ANXA11: variants seen among roughly 807,000 people sequenced by gnomAD.
ANXA11 encodes the protein annexin A11, also known as 56 kDa autoantigen.
Under a neutral mutation model 64.7 loss-of-function variants are expected in ANXA11, and 57 were observed. The observed-to-expected ratio is 0.88, with a 90% confidence interval of 0.71 to 1.10. The LOEUF is 1.10. Among genes scored for constraint, ANXA11 ranks in the 50% least tolerant of loss-of-function variants. The pLI is 0.00. For synonymous variants in ANXA11, 260 were observed against 265.2 expected (o/e 0.98, Z 0.19); for missense variants, 675 against 670.7 (o/e 1.01, Z -0.07).
intron 7 of ANXA11, 153 bp from the exon 8 acceptor site, chr10:80,166,350 C>T (rs1488350562): frequency 1.7e-6 from 1 of 584,506 alleles, no homozygotes; most frequent in Non-Finnish European, 3.0e-6. Context: ...TGCTCTCAGC[C>T]CTGCCCCAAA....
intron 1 of ANXA11, among the ~76,000 whole-genome samples, chr10:80,190,312 G>A (rs1846717084): frequency 6.6e-6 from 1 of 152,192 alleles, no homozygotes; most frequent in Non-Finnish European, 1.5e-5. Flanking sequence ...ATGGTTTTAA[G>A]CCACAAGTTT....
chr10:80,162,772 G>A (rs1436069575), intron 11 of ANXA11, among the ~76,000 whole-genome samples: 2 of 152,176 alleles, frequency 1.3e-5, no homozygotes, highest in Non-Finnish European at 2.9e-5. Flanking sequence ...GAGAGGTATG[G>A]CCAACTCCAC....
intron 7 of ANXA11, 33 bp from the exon 8 acceptor site, chr10:80,166,230 A>G: frequency 1.5e-6 from 2 of 1,306,368 alleles, no homozygotes; most frequent in South Asian, 2.5e-5. Flanking sequence ...AACCAACAAA[A>G]AAAAAAACAA....
intron 1 of ANXA11, among the ~76,000 whole-genome samples, chr10:80,176,499 G>C (rs1365402430): frequency 1.3e-5 from 2 of 152,206 alleles, no homozygotes; most frequent in African/African-American, 4.8e-5. Flanking sequence ...AGAAAATGAG[G>C]CTTCCGGTTT....
Position 80,157,970 on chromosome 10 carries a change from C to T in ANXA11, c.1332G>A (p.Met444Ile). Residue 444 changes from methionine to isoleucine, a missense_variant, in exon 14 of 16, where the codon ATG (methionine) becomes ATA (isoleucine). Physicochemically the swap from Met to Ile is conservative, Grantham distance 10 (BLOSUM62 1). Coordinates refer to ENST00000422982, the MANE Select transcript of ANXA11 (RefSeq NM_145868.2). ...AFFAERLNKA[M>I]RGAGTKDRTL... Reference sequence around the variant, plus strand: ...CCTGCACATGGAAGTTACATACCCTCATGGCCTTGTTGAGCCTCTCCGCAA... The same window carrying T: ...CCTGCACATGGAAGTTACATACCCTTATGGCCTTGTTGAGCCTCTCCGCAA... 1.2e-6 allele frequency: 2 copies of T among 1,614,078 alleles called. No individual in the cohort carries two copies. Among genetic ancestry groups the T allele is most frequent in the Non-Finnish European group, 1.7e-6 (2 of 1,179,920 alleles).
chr10:80,186,878 A>G (rs1846561343), intron 1 of ANXA11, among the ~76,000 whole-genome samples: 1 of 152,232 alleles, frequency 6.6e-6, no homozygotes, highest in African/African-American at 2.4e-5. Flanking sequence ...CTTTGTGGGC[A>G]GAGTCACCTC....
chr10:80,158,040 C>T lies in ANXA11; in HGVS notation c.1277-15G>A. 1 of 1,613,788 alleles carries T rather than the reference C, an allele frequency of 6.2e-7. No homozygotes were observed. The highest frequency in any genetic ancestry group is 8.5e-7 in the Non-Finnish European group (1 of 1,179,690). ...GAGACATTTCACTAGAAGAGAGAAA[C>T]TCGGCATAACCAGATCTGCAGAAAA... is the stretch of plus-strand genomic sequence containing the variant. On this transcript the variant is annotated splice_polypyrimidine_tract_variant and intron_variant, in intron 13 of 15. Transcript: ENST00000422982.
intron 1 of ANXA11, among the ~76,000 whole-genome samples, chr10:80,182,241 ACT>A (rs1846383234): frequency 1.3e-5 from 2 of 151,556 alleles, no homozygotes; most frequent in African/African-American, 4.9e-5. Context: ...GGACAGGGAA[ACT>A]CTGTGGTTTC....
At chr10:80,202,558 C>G (rs1240385334) in intron 1 of ANXA11, among the ~76,000 whole-genome samples, 1 of 152,042 alleles carries the variant, frequency 6.6e-6, no homozygotes, top group Non-Finnish European at 1.5e-5. Context: ...AAGAGCTTTC[C>G]TATCTAGGTA....
At chr10:80,186,411 A>G (rs537704636) in intron 1 of ANXA11, among the ~76,000 whole-genome samples, 1 of 152,182 alleles carries the variant, frequency 6.6e-6, no homozygotes, top group East Asian at 1.9e-4. Context: ...CAGCCTCCCA[A>G]TAGAGAAAGC....
At chr10:80,183,034 G>A (rs937760506) in intron 1 of ANXA11, among the ~76,000 whole-genome samples, 18 of 152,100 alleles carry the variant, frequency 1.2e-4, no homozygotes, top group Admixed American at 6.5e-4. Context: ...TTCACATTCC[G>A]ACCTGGTGCC....
At position 80,153,875 on chromosome 10, in the gene ANXA11, G is replaced by C. The variant is rs1276409761; in HGVS notation, c.*1978C>G. On this transcript the variant is annotated 3_prime_UTR_variant, in exon 16 of 16. Coordinates refer to ENST00000422982, the MANE Select transcript of ANXA11 (RefSeq NM_145868.2). ...ATGTCTGCAGATGAGCTACTCCCTG[G>C]GGCTCCTGCCAGGACCCAGCAGGCT... 1 of 152,190 alleles carries C rather than the reference G, an allele frequency of 6.6e-6. No homozygotes were observed. The highest frequency in any genetic ancestry group is 1.5e-5 in the Non-Finnish European group (1 of 68,048). 9.4% of individuals were successfully genotyped at this position (152,190 alleles called of 1,614,324 possible).
rs751789749 is a variant in ANXA11 at position 80,163,497 on chromosome 10, G to A, written c.1029+37C>T. 2.5e-6 allele frequency: 4 copies of A among 1,601,860 alleles called. No individual in the cohort carries two copies. The Admixed American group carries it at 5.2e-5, about 21-fold the overall frequency. On this transcript the variant is annotated intron_variant, in intron 10 of 15. Coordinates refer to ENST00000422982, the MANE Select transcript of ANXA11 (RefSeq NM_145868.2). ...GGGATCCCATCTCTTTGACTTCCAT[G>A]GCTTGGGGGCCCCGAGCCCTGTCGT... is the stretch of plus-strand genomic sequence containing the variant.
At chr10:80,161,414 C>T (rs1845497877) in intron 12 of ANXA11, among the ~76,000 whole-genome samples, 1 of 152,204 alleles carries the variant, frequency 6.6e-6, no homozygotes, top group Admixed American at 6.5e-5. Context: ...ACAGGATTTC[C>T]CATCTGATAC....
intron 1 of ANXA11, among the ~76,000 whole-genome samples, chr10:80,202,990 G>A (rs1840501196): frequency 6.8e-6 from 1 of 147,300 alleles, no homozygotes; most frequent in Admixed American, 6.9e-5. Flanking sequence ...AGGTTGCAGT[G>A]AGCCAAGATT....
At chr10:80,168,413 G>A (rs868012103) in intron 5 of ANXA11, among the ~76,000 whole-genome samples, 1 of 152,276 alleles carries the variant, frequency 6.6e-6, no homozygotes, top group African/African-American at 2.4e-5. Context: ...GACCCAACTC[G>A]GATGTGGAGC....
At chr10:80,157,888 G>A in intron 14 of ANXA11, 79 bp downstream of exon 14, 1 of 1,594,750 alleles carries the variant, frequency 6.3e-7, no homozygotes, top group African/African-American at 1.3e-5. Flanking sequence ...CTCTCCCCAG[G>A]CCTTCTGCCC....
chr10:80,194,524 C>CG (rs11308079), intron 1 of ANXA11, among the ~76,000 whole-genome samples: 153 of 151,752 alleles, frequency 1.0e-3, no homozygotes, highest in Non-Finnish European at 1.4e-3. Flanking sequence ...TAGGAAGAGT[C>CG]GGGGGGGGAA....
At chr10:80,183,087 G>A (rs1846413988) in intron 1 of ANXA11, among the ~76,000 whole-genome samples, 1 of 152,192 alleles carries the variant, frequency 6.6e-6, no homozygotes, top group Non-Finnish European at 1.5e-5. Flanking sequence ...ACTTAGCCCT[G>A]AGCTGATGTG....
Sources: allele counts gnomAD v4.1 joint callset (sites outside exome capture counted in the v4.1 genomes callset), GRCh38; gene constraint gnomAD v4.1.1; transcripts MANE v1.5; gene names NCBI Gene and HGNC (gene_info 2026-07-23, HGNC 2026-07-21).